SEM1: variants seen among roughly 807,000 people sequenced by gnomAD.
SEM1 encodes 26S proteasome complex subunit SEM1.
In SEM1, 3 loss-of-function variants were observed where a neutral mutation model predicts 12.7. The ratio of observed to expected loss-of-function variants is 0.24; its 90% CI spans 0.11 to 0.61. The LOEUF (loss-of-function observed/expected upper bound fraction) is 0.61, where lower values mean the gene tolerates loss of function less well. Ranked by LOEUF, SEM1 falls within the 20% of genes least tolerant of loss-of-function variation. The pLI is 0.88. For missense variants in SEM1, 59 were observed against 81.3 expected (o/e 0.73, Z 1.06); for synonymous variants, 30 against 27.8 (o/e 1.08, Z -0.25).
At chr7:96,673,990 T>C (rs1035059513) in intron 2 of SEM1, 2 of 627,478 alleles carry the variant, frequency 3.2e-6, no homozygotes, top group Admixed American at 2.5e-5. Flanking sequence ...CCCATCCCCA[T>C]CTCTACCTCC....
At chr7:96,691,264 A>C (rs1373394356) in intron 2 of SEM1, among the ~76,000 whole-genome samples, 1 of 152,228 alleles carries the variant, frequency 6.6e-6, no homozygotes, top group African/African-American at 2.4e-5. Flanking sequence ...GGAAAGAGAA[A>C]GACGAATGTG....
At chr7:96,663,489 C>A (rs1789074517) in intron 2 of SEM1, among the ~76,000 whole-genome samples, 1 of 152,050 alleles carries the variant, frequency 6.6e-6, no homozygotes, top group Non-Finnish European at 1.5e-5. Context: ...ATGATTCGGG[C>A]CTGACACCTA....
chr7:96,567,996 A>T (rs1466361978), intron 2 of SEM1, among the ~76,000 whole-genome samples: 2 of 151,514 alleles, frequency 1.3e-5, no homozygotes, highest in African/African-American at 2.4e-5. Flanking sequence ...TTTTGATATA[A>T]TTATTTTGAT....
At chr7:96,588,617 G>C (rs1471951134) in intron 2 of SEM1, among the ~76,000 whole-genome samples, 1 of 151,954 alleles carries the variant, frequency 6.6e-6, no homozygotes, top group African/African-American at 2.4e-5. Context: ...TTAAGAGACA[G>C]ATGTTAAATA....
intron 2 of SEM1, among the ~76,000 whole-genome samples, chr7:96,593,946 C>A (rs996793727): frequency 3.3e-5 from 5 of 151,236 alleles, no homozygotes; most frequent in African/African-American, 1.2e-4. Context: ...GGAATTTTTA[C>A]CCCTCATATT....
At chr7:96,685,853 C>A (rs1442061912), downstream of SEM1, among the ~76,000 whole-genome samples, 1 of 151,826 alleles carries the variant, frequency 6.6e-6, no homozygotes, top group Non-Finnish European at 1.5e-5. Context: ...CAGCTCAGCC[C>A]TGCAGGGATT....
At chr7:96,589,801 A>G (rs1806770410) in intron 2 of SEM1, among the ~76,000 whole-genome samples, 3 of 152,162 alleles carry the variant, frequency 2.0e-5, no homozygotes, top group Admixed American at 1.3e-4. Context: ...TTCTTCCTCA[A>G]ACTGAGCTAA....
chr7:96,521,676 C>T (rs1167379505), intron 2 of SEM1, among the ~76,000 whole-genome samples: 1 of 152,074 alleles, frequency 6.6e-6, no homozygotes, highest in Non-Finnish European at 1.5e-5. Context: ...CCTTTCCCAA[C>T]CCACACTGAA....
intron 2 of SEM1, among the ~76,000 whole-genome samples, chr7:96,567,536 G>T (rs1210178594): frequency 6.6e-6 from 1 of 150,954 alleles, no homozygotes; most frequent in Non-Finnish European, 1.5e-5. Context: ...AACCTCTAAA[G>T]CAATGAGAAG....
chr7:96,685,167 A>G (rs1341622727), downstream of SEM1, among the ~76,000 whole-genome samples: 1 of 152,150 alleles, frequency 6.6e-6, no homozygotes, highest in Non-Finnish European at 1.5e-5. Flanking sequence ...ATAACATTCA[A>G]TCTTTCAAAA....
intron 2 of SEM1, among the ~76,000 whole-genome samples, chr7:96,658,000 C>T (rs1486833548): frequency 1.3e-5 from 2 of 152,084 alleles, no homozygotes; most frequent in Admixed American, 1.3e-4. Flanking sequence ...ATGAACGAGT[C>T]CAGGGGATTC....
At chr7:96,665,277 C>T (rs184106615) in intron 2 of SEM1, among the ~76,000 whole-genome samples, 1 of 152,254 alleles carries the variant, frequency 6.6e-6, no homozygotes, top group East Asian at 1.9e-4. Context: ...GACCCCTCTG[C>T]AACACAGGAG....
intron 3 of SEM1, among the ~76,000 whole-genome samples, chr7:96,505,747 T>C (rs180975167): frequency 1.3e-3 from 191 of 152,160 alleles, no homozygotes; most frequent in Non-Finnish European, 2.1e-3. Context: ...CTGTGGTCTC[T>C]TATAAGGGCA....
Position 96,615,241 on chromosome 7 carries a change from C to CTTTTTTTTTTTTTTTTTTTTT in SEM1, c.170+79536_170+79556dup, listed in dbSNP as rs60940244. Among the ~76,000 whole-genome samples the CTTTTTTTTTTTTTTTTTTTTT allele has an allele frequency of 1.3e-4, 16 of 126,462 alleles. 2 individuals carry two copies. Among genetic ancestry groups the CTTTTTTTTTTTTTTTTTTTTT allele is most frequent in the African/African-American group, 5.1e-4 (16 of 31,556 alleles). The allele number at this position is 126,462 out of a possible 152,430, so 83.0% of individuals were successfully genotyped here. A position where few individuals can be genotyped will look rare whatever the true frequency, so the allele number is the denominator to read the frequency against. On this transcript the variant is annotated intron_variant and NMD_transcript_variant, in intron 2 of 3. Transcript: ENST00000466986. Reference sequence around the variant, plus strand: ...ACTGTTGGGTTATTTTTTGAGTCATCTTTTTTTTTTTTTTTTTTTTTTTTG... The same window carrying CTTTTTTTTTTTTTTTTTTTTT: ...ACTGTTGGGTTATTTTTTGAGTCATCTTTTTTTTTTTTTTTTTTTTTTTTTTTTTTTTTTTTTTTTTTTTTG...
chr7:96,686,565 TACA>T (rs1239424019), downstream of SEM1, among the ~76,000 whole-genome samples: 1 of 152,160 alleles, frequency 6.6e-6, no homozygotes, highest in Non-Finnish European at 1.5e-5. Context: ...CTTAGCATGT[TACA>T]ACATCAACAT....
chr7:96,518,334 A>G (rs550815831), intron 2 of SEM1, among the ~76,000 whole-genome samples: 6 of 152,318 alleles, frequency 3.9e-5, no homozygotes, highest in African/African-American at 1.4e-4. Flanking sequence ...GGAAACTTAT[A>G]AACTGAAATT....
intron 1 of SEM1, chr7:96,696,609 C>A (rs1350642295): frequency 6.6e-6 from 1 of 151,894 alleles, no homozygotes; most frequent in Non-Finnish European, 1.5e-5. Flanking sequence ...AGTGCTAACA[C>A]TGACAAACCA....
intron 2 of SEM1, among the ~76,000 whole-genome samples, chr7:96,528,643 T>C (rs1804543803): frequency 6.6e-6 from 1 of 152,140 alleles, no homozygotes; most frequent in Non-Finnish European, 1.5e-5. Context: ...AATTTTGACA[T>C]CTAGGCTTGC....
downstream of SEM1, among the ~76,000 whole-genome samples, chr7:96,671,564 C>T (rs1407089813): frequency 6.6e-6 from 1 of 151,970 alleles, no homozygotes; most frequent in African/African-American, 2.4e-5. Context: ...AGATATTGAG[C>T]GTGATGGAAA....
Sources: allele counts gnomAD v4.1 joint callset (sites outside exome capture counted in the v4.1 genomes callset), GRCh38; gene constraint gnomAD v4.1.1; transcripts MANE v1.5; gene names NCBI Gene and HGNC (gene_info 2026-07-23, HGNC 2026-07-21).